The following FRK variants were observed in gnomAD, a reference collection of about 807,000 sequenced individuals.
FRK encodes tyrosine-protein kinase FRK.
In FRK, 51 loss-of-function variants were observed where a neutral mutation model predicts 56.4. The observed-to-expected ratio is 0.90, with a 90% CI of 0.72 to 1.14. FRK has a LOEUF of 1.14. FRK is among the 50% of genes most tolerant of loss of function. The pLI, the probability that FRK is intolerant of heterozygous loss-of-function variation, is 0.00. For missense variants in FRK, 570 were observed against 601.4 expected, an observed-to-expected ratio of 0.95 and a Z score of 0.55; for synonymous variants, 245 against 217.9, an observed-to-expected ratio of 1.12 and a Z score of -1.10.
At chr6:115,984,356 A>G (rs1318063383) in intron 2 of FRK, among the ~76,000 whole-genome samples, 1 of 152,058 alleles carries the variant, frequency 6.6e-6, no homozygotes, top group Non-Finnish European at 1.5e-5. Context: ...TATGTCAAAC[A>G]TGGTGCCAAG....
chr6:116,052,682 T>C (rs1255403080), intron 1 of FRK, among the ~76,000 whole-genome samples: 2 of 151,858 alleles, frequency 1.3e-5, no homozygotes, highest in African/African-American at 2.4e-5. Flanking sequence ...TAAGTTAAGC[T>C]GGTCAGGAAA....
intron 1 of FRK, among the ~76,000 whole-genome samples, chr6:116,011,917 C>G (rs1351237018): frequency 1.3e-5 from 2 of 152,112 alleles, no homozygotes; most frequent in Non-Finnish European, 2.9e-5. Flanking sequence ...GGCTCAGTAT[C>G]CCCTTGGTTC....
At chr6:116,039,374 GA>G in intron 1 of FRK, 1 of 1,509,178 alleles carries the variant, frequency 6.6e-7, no homozygotes, top group Non-Finnish European at 9.2e-7. Flanking sequence ...TCCATTTATG[GA>G]GGCTCTGTGA....
At chr6:115,983,929 G>C (rs958329954) in intron 2 of FRK, among the ~76,000 whole-genome samples, 1 of 152,060 alleles carries the variant, frequency 6.6e-6, no homozygotes, top group African/African-American at 2.4e-5. Flanking sequence ...ATTCTCCACT[G>C]CATCTTATCC....
chr6:116,098,488 A>G, the FRK span, among the ~76,000 whole-genome samples: 3 of 151,914 alleles, frequency 2.0e-5, no homozygotes, highest in Admixed American at 1.3e-4. Flanking sequence ...CTCTTCTTAC[A>G]AGAATGCTAA....
At chr6:116,080,362 G>T in the FRK span, among the ~76,000 whole-genome samples, 1 of 152,100 alleles carries the variant, frequency 6.6e-6, no homozygotes, top group African/African-American at 2.4e-5. Flanking sequence ...CACCATGTTA[G>T]CCAGGATGGT....
Position 115,937,545 on chromosome 6 carries a change from CA to C in FRK, c.*4868del, listed in dbSNP as rs1772073666. 6.6e-6 allele frequency: 1 copy of C among 152,062 alleles called. No homozygotes were observed. The highest frequency in any genetic ancestry group is 2.4e-5 in the African/African-American group (1 of 41,388). 9.4% of individuals were successfully genotyped at this position (152,062 alleles called of 1,614,324 possible). On this transcript the variant is annotated 3_prime_UTR_variant, in exon 8 of 8. Coordinates refer to ENST00000606080, the MANE Select transcript of FRK (RefSeq NM_002031.3). ...CAGAATGGCAAATTGGATAAAGACT[CA>C]AGACCCATCAGTGTGCTGTATTCAG...
At chr6:116,018,758 A>AATTTTAGT (rs1775750630) in intron 1 of FRK, among the ~76,000 whole-genome samples, 1 of 152,206 alleles carries the variant, frequency 6.6e-6, no homozygotes, top group Non-Finnish European at 1.5e-5. Flanking sequence ...AGTGATACAA[A>AATTTTAGT]GACATTTCCA....
chr6:115,970,345 A>T (rs117910998), intron 2 of FRK, among the ~76,000 whole-genome samples: 2,818 of 152,348 alleles, frequency 0.018, 31 homozygotes, highest in Non-Finnish European at 0.03. Context: ...AATCAATAAA[A>T]GTGCACAATA....
At chr6:115,968,318 C>T (rs749684938) in intron 3 of FRK, among the ~76,000 whole-genome samples, 2 of 152,136 alleles carry the variant, frequency 1.3e-5, no homozygotes, top group Non-Finnish European at 2.9e-5. Flanking sequence ...GTCTCCGTTG[C>T]ACCTTCTAAA....
At chr6:115,969,302 C>T (rs965357763) in intron 2 of FRK, among the ~76,000 whole-genome samples, 3 of 152,114 alleles carry the variant, frequency 2.0e-5, no homozygotes, top group Non-Finnish European at 4.4e-5. Context: ...TGCCCTAACA[C>T]AGTTCAATAA....
At chr6:115,960,410 G>A (rs12197053) in intron 4 of FRK, among the ~76,000 whole-genome samples, 27,824 of 150,188 alleles carry the variant, frequency 0.19, 3,195 homozygotes, top group Middle Eastern at 0.31. Flanking sequence ...ACGGAATCTC[G>A]CTGATTGCTA....
chr6:116,025,071 T>TA (rs902886406), intron 1 of FRK, among the ~76,000 whole-genome samples: 3 of 152,218 alleles, frequency 2.0e-5, no homozygotes, highest in African/African-American at 7.2e-5. Context: ...CTTACCTTTT[T>TA]AAAAAAGGTC....
chr6:115,981,856 T>C (rs1774211902), intron 2 of FRK, among the ~76,000 whole-genome samples: 1 of 152,168 alleles, frequency 6.6e-6, no homozygotes, highest in Admixed American at 6.6e-5. Flanking sequence ...GGTAATTTGA[T>C]AATTATTAAT....
the FRK span, among the ~76,000 whole-genome samples, chr6:116,083,106 C>T: frequency 1.3e-5 from 2 of 152,020 alleles, no homozygotes; most frequent in Non-Finnish European, 2.9e-5. Flanking sequence ...AAGGCGTTTA[C>T]CAAGGAGGGA....
At chr6:115,975,800 G>T (rs1457174400) in intron 2 of FRK, among the ~76,000 whole-genome samples, 3 of 152,164 alleles carry the variant, frequency 2.0e-5, no homozygotes, top group Non-Finnish European at 4.4e-5. Flanking sequence ...GAGTTTACAT[G>T]TTGTTTGACC....
chr6:115,971,218 G>T (rs933700192), intron 2 of FRK, among the ~76,000 whole-genome samples: 1 of 152,122 alleles, frequency 6.6e-6, no homozygotes, highest in Non-Finnish European at 1.5e-5. Context: ...AGTATGGAAG[G>T]TTATTAAAGT....
At chr6:115,948,192 C>T (rs946795294) in intron 5 of FRK, among the ~76,000 whole-genome samples, 1 of 152,170 alleles carries the variant, frequency 6.6e-6, no homozygotes, top group Non-Finnish European at 1.5e-5. Flanking sequence ...TGGAAAGGTC[C>T]CTCTAGCAAG....
At position 115,931,686 on chromosome 6, in the gene FRK, A is replaced by T. The variant is rs1421954663; in HGVS notation, c.*10728T>A. On this transcript the variant is annotated 3_prime_UTR_variant, in exon 8 of 8. Transcript: ENST00000606080. ...ATATTTCTACTCTGAAATTTTGTGG[A>T]CCATAAAAATTAAATGTAACTTGGT... The T allele has an allele frequency of 6.6e-6, 1 of 152,204 alleles. No homozygotes were observed. Among genetic ancestry groups the T allele is most frequent in the Non-Finnish European group, 1.5e-5 (1 of 68,014 alleles). The allele number at this position is 152,204 out of a possible 1,614,324, so 9.4% of individuals were successfully genotyped here. A position where few individuals can be genotyped will look rare whatever the true frequency, so the allele number is the denominator to read the frequency against.
Sources: gnomAD v4.1 joint callset for allele counts (sites outside exome capture counted in the v4.1 genomes callset) on GRCh38, gnomAD v4.1.1 for gene constraint, MANE v1.5 for transcripts, NCBI Gene and HGNC (gene_info 2026-07-23, HGNC 2026-07-21) for gene names.